Variants in MBD5 observed in about 807,000 individuals in gnomAD.
The protein encoded by MBD5 is methyl-CpG-binding domain protein 5.
Under a neutral mutation model 117.3 loss-of-function variants are expected in MBD5, and 13 were observed. The ratio of observed to expected loss-of-function variants is 0.11; its 90% CI spans 0.07 to 0.18. The LOEUF is 0.18. Ranked by LOEUF, MBD5 falls within the 10% of genes least tolerant of loss-of-function variation. The pLI, the probability that MBD5 is intolerant of heterozygous loss-of-function variation, is 1.00. For synonymous variants in MBD5, 727 were observed against 766.4 expected, an observed-to-expected ratio of 0.95 and a Z score of 0.85; for missense variants, 1,879 against 2,093.8, an observed-to-expected ratio of 0.90 and a Z score of 2.00.
chr2:148,281,163 C>T (rs1701236344), intron 3 of MBD5, among the ~76,000 whole-genome samples: 1 of 152,128 alleles, frequency 6.6e-6, no homozygotes, highest in South Asian at 2.1e-4. Flanking sequence ...ATTATCTGTG[C>T]AAACATTCTT....
chr2:148,080,864 A>G (rs1312456500), intron 1 of MBD5, among the ~76,000 whole-genome samples: 1 of 152,170 alleles, frequency 6.6e-6, no homozygotes, highest in Non-Finnish European at 1.5e-5. Context: ...TTAAGGTGCT[A>G]AGATAAGAGC....
chr2:148,260,288 G>C (rs1428130843), intron 3 of MBD5, among the ~76,000 whole-genome samples: 4 of 152,166 alleles, frequency 2.6e-5, no homozygotes, highest in Non-Finnish European at 4.4e-5. Context: ...TCTTCACCAA[G>C]AGTAGATTCC....
intron 1 of MBD5, among the ~76,000 whole-genome samples, chr2:148,103,387 A>G (rs922911827): frequency 2.0e-5 from 3 of 152,166 alleles, no homozygotes; most frequent in African/African-American, 7.2e-5. Flanking sequence ...CTCCTGGGTA[A>G]ATATTTCTGG....
At chr2:148,185,291 G>A (rs543916934) in intron 2 of MBD5, among the ~76,000 whole-genome samples, 44 of 152,186 alleles carry the variant, frequency 2.9e-4, no homozygotes, top group Middle Eastern at 3.4e-3. Flanking sequence ...GGGAGTTTTC[G>A]GGTTTTCTTA....
At chr2:148,308,128 G>A (rs868811069) in intron 3 of MBD5, among the ~76,000 whole-genome samples, 2 of 152,046 alleles carry the variant, frequency 1.3e-5, no homozygotes, top group South Asian at 2.1e-4. Context: ...TTATAATAGA[G>A]TGATATATAA....
intron 3 of MBD5, among the ~76,000 whole-genome samples, chr2:148,327,727 CT>C (rs1702498936): frequency 6.6e-6 from 1 of 151,986 alleles, no homozygotes; most frequent in Non-Finnish European, 1.5e-5. Context: ...ATTGGTTATT[CT>C]AGTTATACAT....
In MBD5 at chr2:148,293,444, T is replaced by C. The variant is rs573724298; in HGVS notation, c.-679-48770T>C. Among the ~76,000 whole-genome samples the C allele has an allele frequency of 1.3e-4, 20 of 152,328 alleles. No homozygotes were observed. In the East Asian group the frequency reaches 3.7e-3, roughly 28 times the overall value. On this transcript the variant is annotated intron_variant, in intron 3 of 13. Transcript: ENST00000642680. ...GCCAGAGGGGATGGATACCCCAGTCTCCATGATGTGTTTATTTCACATTGC... is the reference window on the plus strand; with the variant it reads ...GCCAGAGGGGATGGATACCCCAGTCCCCATGATGTGTTTATTTCACATTGC...
chr2:148,108,678 C>A (rs1270525988), intron 1 of MBD5, among the ~76,000 whole-genome samples: 4 of 152,040 alleles, frequency 2.6e-5, no homozygotes, highest in Non-Finnish European at 5.9e-5. Context: ...TCTTTTTTTG[C>A]TAGCTCCTGG....
At chr2:148,145,184 C>G (rs968124192) in intron 1 of MBD5, among the ~76,000 whole-genome samples, 2 of 152,024 alleles carry the variant, frequency 1.3e-5, no homozygotes, top group Non-Finnish European at 2.9e-5. Context: ...GGTTGGATTC[C>G]TAGGTGTTTT....
chr2:148,306,491 A>G (rs1701898963), intron 3 of MBD5, among the ~76,000 whole-genome samples: 2 of 152,228 alleles, frequency 1.3e-5, no homozygotes, highest in South Asian at 2.1e-4. Context: ...TGCCATAAAA[A>G]TAATAATACT....
chr2:148,173,912 C>A (rs1303100203), intron 1 of MBD5, among the ~76,000 whole-genome samples: 1 of 152,134 alleles, frequency 6.6e-6, no homozygotes, highest in East Asian at 1.9e-4. Flanking sequence ...ATTCCAACAT[C>A]ATTTTTCATA....
In MBD5 at chr2:148,021,429, G is replaced by A. The variant is rs958944702; in HGVS notation, c.-1180G>A. ...AGAGGAGGAGAGAAAGAAACCAAAA[G>A]CCTCTTAGCAACACAGACCCTTTGC... On this transcript the variant is annotated 5_prime_UTR_variant, in exon 1 of 14. Coordinates refer to ENST00000642680, the MANE Select transcript of MBD5 (RefSeq NM_001378120.1). The A allele has an allele frequency of 3.7e-6, 2 of 547,848 alleles. No homozygotes were observed. Among genetic ancestry groups the A allele is most frequent in the East Asian group, 4.9e-5 (1 of 20,558 alleles). 33.9% of individuals were successfully genotyped at this position (547,848 alleles called of 1,614,324 possible).
intron 4 of MBD5, among the ~76,000 whole-genome samples, chr2:148,443,820 G>A (rs973105708): frequency 4.6e-5 from 7 of 150,728 alleles, no homozygotes; most frequent in Non-Finnish European, 8.8e-5. Context: ...TGAATAAGAC[G>A]GAGTATTTGC....
chr2:148,463,660 A>C, intron 6 of MBD5, 79 bp from the exon 7 acceptor site: 1 of 1,541,272 alleles, frequency 6.5e-7, no homozygotes, highest in Non-Finnish European at 8.9e-7. Flanking sequence ...TCTATGCACA[A>C]CTTTTTTTTT....
chr2:148,241,051 C>G (rs571595027), intron 3 of MBD5, among the ~76,000 whole-genome samples: 22 of 151,578 alleles, frequency 1.5e-4, no homozygotes, highest in African/African-American at 5.3e-4. Context: ...ATCTCAGAGT[C>G]TGTTCTATTG....
At chr2:148,468,226 A>G in intron 7 of MBD5, 115 bp from the exon 8 acceptor site, 1 of 784,488 alleles carries the variant, frequency 1.3e-6, no homozygotes, top group African/African-American at 1.7e-5. Flanking sequence ...ACAGATTCCT[A>G]TTTCCAGATG....
chr2:148,423,271 C>T (rs1705668301), intron 4 of MBD5, among the ~76,000 whole-genome samples: 1 of 151,600 alleles, frequency 6.6e-6, no homozygotes, highest in African/African-American at 2.4e-5. Context: ...GAGTGGAGGC[C>T]AATATAAAGC....
At chr2:148,085,335 A>C (rs941384291) in intron 1 of MBD5, among the ~76,000 whole-genome samples, 20 of 152,218 alleles carry the variant, frequency 1.3e-4, no homozygotes, top group Non-Finnish European at 1.9e-4. Flanking sequence ...CTAACATCCA[A>C]AACAAGAGAA....
chr2:148,138,972 T>A (rs907745432), intron 1 of MBD5, among the ~76,000 whole-genome samples: 7 of 152,236 alleles, frequency 4.6e-5, no homozygotes, highest in Non-Finnish European at 7.3e-5. Context: ...TTTCTACTGT[T>A]GTGTTTTGTT....
Sources: gnomAD v4.1 joint callset for allele counts (sites outside exome capture counted in the v4.1 genomes callset) on GRCh38, gnomAD v4.1.1 for gene constraint, MANE v1.5 for transcripts, NCBI Gene and HGNC (gene_info 2026-07-23, HGNC 2026-07-21) for gene names.